Variants in MYO16 observed in about 807,000 individuals in gnomAD.
MYO16 encodes unconventional myosin-XVI.
In MYO16, 94 loss-of-function variants were observed where a neutral mutation model predicts 205.3. The observed-to-expected ratio is 0.46, with a 90% CI of 0.39 to 0.54. The LOEUF (loss-of-function observed/expected upper bound fraction) is 0.54, where lower values mean the gene tolerates loss of function less well. Among genes scored for constraint, MYO16 ranks in the 20% least tolerant of loss-of-function variants. The probability of loss-of-function intolerance (pLI) is 0.00; values close to 1 mark genes in which losing one functional copy is unlikely to be tolerated. For missense variants in MYO16, 2,315 were observed against 2,387.5 expected (o/e 0.97, Z 0.63); for synonymous variants, 988 against 954.0 (o/e 1.04, Z -0.66).
intron 7 of MYO16, among the ~76,000 whole-genome samples, chr13:108,817,249 C>A (rs1179885589): frequency 6.6e-6 from 1 of 152,078 alleles, no homozygotes. Flanking sequence ...TCTATAGTAG[C>A]CTTATTCAAA....
At chr13:108,706,993 T>C (rs1284182189) in intron 2 of MYO16, among the ~76,000 whole-genome samples, 2 of 152,186 alleles carry the variant, frequency 1.3e-5, no homozygotes, top group African/African-American at 2.4e-5. Flanking sequence ...CTTGACTTCA[T>C]GCCCAGCCCT....
intron 1 of MYO16, among the ~76,000 whole-genome samples, chr13:108,617,784 C>T (rs1158925517): frequency 1.3e-5 from 2 of 152,142 alleles, no homozygotes. Context: ...GAGCCAAGGA[C>T]AAGACTTACT....
At chr13:108,754,563 G>T (rs1885360126) in intron 4 of MYO16, among the ~76,000 whole-genome samples, 1 of 152,116 alleles carries the variant, frequency 6.6e-6, no homozygotes, top group Admixed American at 6.6e-5. Flanking sequence ...TAAAGTAAAA[G>T]AAATAGATTT....
intron 24 of MYO16, chr13:109,048,319 C>A: frequency 1.4e-6 from 1 of 734,364 alleles, no homozygotes; most frequent in Non-Finnish European, 2.5e-6. Flanking sequence ...ACAATTCAGT[C>A]TTTTTTTTTA....
intron 32 of MYO16, among the ~76,000 whole-genome samples, chr13:109,154,074 C>T (rs1027666844): frequency 6.6e-6 from 1 of 152,238 alleles, no homozygotes; most frequent in African/African-American, 2.4e-5. Context: ...ATCAAAGACA[C>T]GGTCCATGTA....
intron 1 of MYO16, among the ~76,000 whole-genome samples, chr13:108,639,732 G>T (rs972255107): frequency 6.6e-6 from 1 of 152,216 alleles, no homozygotes; most frequent in Non-Finnish European, 1.5e-5. Flanking sequence ...GGCACAGTCT[G>T]GGAGGCCAGG....
At chr13:108,817,177 A>G (rs1875666948) in intron 7 of MYO16, among the ~76,000 whole-genome samples, 1 of 152,224 alleles carries the variant, frequency 6.6e-6, no homozygotes, top group Non-Finnish European at 1.5e-5. Context: ...ATTACCCAGA[A>G]TTCTATTTTA....
the MYO16 span, among the ~76,000 whole-genome samples, chr13:108,521,679 T>C: frequency 6.6e-6 from 1 of 152,184 alleles, no homozygotes; most frequent in African/African-American, 2.4e-5. Context: ...AACCTGACAT[T>C]TGGGACCTTA....
intron 2 of MYO16, among the ~76,000 whole-genome samples, chr13:108,701,218 G>A (rs978356134): frequency 5.3e-5 from 8 of 152,078 alleles, no homozygotes; most frequent in African/African-American, 7.2e-5. Context: ...AGAGGGAATC[G>A]GATTTTCAAA....
At chr13:108,759,419 T>C (rs34540210) in intron 4 of MYO16, among the ~76,000 whole-genome samples, 24,548 of 152,254 alleles carry the variant, frequency 0.16, 2,199 homozygotes, top group Non-Finnish European at 0.21. Context: ...TGTTAAATCA[T>C]TGGCAAGTTA....
chr13:108,755,142 C>T (rs962410541), intron 4 of MYO16, among the ~76,000 whole-genome samples: 2 of 151,966 alleles, frequency 1.3e-5, no homozygotes, highest in South Asian at 2.1e-4. Flanking sequence ...AAGAGATCAA[C>T]AGTGATTTCT....
intron 2 of MYO16, among the ~76,000 whole-genome samples, chr13:108,692,878 CT>C (rs755387130): frequency 1.3e-5 from 2 of 152,138 alleles, no homozygotes; most frequent in African/African-American, 4.8e-5. Context: ...GTGGATGGGA[CT>C]TGAACTAGCT....
At chr13:108,821,887 A>G (rs1211902115) in intron 8 of MYO16, among the ~76,000 whole-genome samples, 1 of 152,164 alleles carries the variant, frequency 6.6e-6, no homozygotes, top group African/African-American at 2.4e-5. Flanking sequence ...GCAATATGAG[A>G]CACAGTGCTG....
At chr13:108,539,568 T>G in the MYO16 span, among the ~76,000 whole-genome samples, 1 of 152,166 alleles carries the variant, frequency 6.6e-6, no homozygotes, top group African/African-American at 2.4e-5. Context: ...GATAGAAGGC[T>G]ATGGCTAAGA....
At chr13:109,186,491 C>G (rs1476573043) in intron 34 of MYO16, among the ~76,000 whole-genome samples, 1 of 152,150 alleles carries the variant, frequency 6.6e-6, no homozygotes, top group African/African-American at 2.4e-5. Context: ...CGATGATGCT[C>G]TGTGCTCAGT....
chr13:108,988,044 G>A (rs542421566), intron 20 of MYO16, among the ~76,000 whole-genome samples: 6 of 152,226 alleles, frequency 3.9e-5, no homozygotes, highest in South Asian at 2.1e-4. Flanking sequence ...GAAAGCTCTC[G>A]GGAGAATTCT....
rs573783283 is a variant in MYO16, at chr13:108,737,649, A to G, written c.507+10066A>G. Among the ~76,000 whole-genome samples the G allele has an allele frequency of 2.6e-5, 4 of 152,320 alleles. No individual in the cohort carries two copies. In the South Asian group the frequency reaches 8.3e-4, roughly 32 times the overall value. On this transcript the variant is annotated intron_variant, in intron 4 of 34. Coordinates refer to ENST00000457511, the MANE Select transcript of MYO16 (RefSeq NM_001198950.3). ...TTGGTATCAGGATGATGTTGGCCTCATAAAATGAGTTAGGGAGGATTCCCT... is the reference window on the plus strand; with the variant it reads ...TTGGTATCAGGATGATGTTGGCCTCGTAAAATGAGTTAGGGAGGATTCCCT...
At chr13:108,838,673 A>T (rs1877062339) in intron 9 of MYO16, among the ~76,000 whole-genome samples, 1 of 121,466 alleles carries the variant, frequency 8.2e-6, no homozygotes, top group Admixed American at 8.4e-5. Context: ...CTCAAAAAAA[A>T]AAAAAATATA....
rs139031649 is a variant in MYO16, at chr13:108,939,515, G to A, written c.1926-18173G>A. On this transcript the variant is annotated intron_variant, in intron 16 of 34. Coordinates refer to ENST00000457511, the MANE Select transcript of MYO16 (RefSeq NM_001198950.3). Reference sequence around the variant, plus strand: ...CTGTTTTCCTTACTGAATTAAAATGGGGTTTTAATTGGGTTGATCCTTCTG... The same window carrying A: ...CTGTTTTCCTTACTGAATTAAAATGAGGTTTTAATTGGGTTGATCCTTCTG... 5.2e-4 allele frequency among the ~76,000 whole-genome samples: 79 copies of A among 152,268 alleles called. 1 individual carries two copies. The East Asian group carries it at 7.1e-3, about 14-fold the overall frequency.
Sources: allele counts gnomAD v4.1 joint callset (sites outside exome capture counted in the v4.1 genomes callset), GRCh38; gene constraint gnomAD v4.1.1; transcripts MANE v1.5; gene names NCBI Gene and HGNC (gene_info 2026-07-23, HGNC 2026-07-21).